Variants in PTGES3 observed in about 807,000 individuals in gnomAD.
PTGES3 encodes the protein Hsp90 co-chaperone.
In PTGES3, 5 loss-of-function variants were observed where a neutral mutation model predicts 29.9. The observed-to-expected ratio is 0.17, with a 90% CI of 0.09 to 0.35. The LOEUF (loss-of-function observed/expected upper bound fraction) is 0.35. Among genes scored for constraint, PTGES3 ranks in the 10% least tolerant of loss-of-function variants. The pLI is 1.00. For missense variants in PTGES3, 128 were observed against 190.0 expected (o/e 0.67, Z 1.92); for synonymous variants, 49 against 57.8 (o/e 0.85, Z 0.69).
intron 5 of PTGES3, among the ~76,000 whole-genome samples, chr12:56,669,528 CCA>C (rs1951919227): frequency 6.6e-6 from 1 of 152,206 alleles, no homozygotes; most frequent in Non-Finnish European, 1.5e-5. Context: ...GGTGATCCGC[CCA>C]TCTCAGCCTC....
intron 5 of PTGES3, among the ~76,000 whole-genome samples, chr12:56,666,946 G>C (rs11171919): frequency 0.026 from 3,917 of 150,530 alleles, 70 homozygotes; most frequent in Non-Finnish European, 0.039. Context: ...TTGAGATGGA[G>C]TCTTGCTCTG....
chr12:56,665,979 C>A lies in PTGES3; in HGVS notation c.438+225G>T, dbSNP rs563878474. ...TATATAATGTCTCTATACAATGATT[C>A]TTTGGAAATCTAATCCATTTAGGAA... On this transcript the variant is annotated intron_variant, in intron 6 of 7. Coordinates refer to ENST00000262033, the MANE Select transcript of PTGES3 (RefSeq NM_006601.7). The A allele has an allele frequency of 1.2e-5, 15 of 1,267,300 alleles. No homozygotes were observed. The African/African-American group carries it at 2.3e-4, about 20-fold the overall frequency. 78.5% of individuals were successfully genotyped at this position (1,267,300 alleles called of 1,614,324 possible). A position where few individuals can be genotyped will look rare whatever the true frequency, so the allele number is the denominator to read the frequency against.
intron 1 of PTGES3, among the ~76,000 whole-genome samples, chr12:56,683,811 T>A (rs1244235430): frequency 6.7e-6 from 1 of 149,108 alleles, no homozygotes; most frequent in Non-Finnish European, 1.5e-5. Flanking sequence ...TACAAAAAAT[T>A]AGCCGGGCGA....
intron 1 of PTGES3, among the ~76,000 whole-genome samples, chr12:56,674,176 A>G (rs1332681350): frequency 6.6e-6 from 1 of 152,180 alleles, no homozygotes; most frequent in African/African-American, 2.4e-5. Context: ...ATGACAAGTA[A>G]ATATGAGGTC....
intron 1 of PTGES3, among the ~76,000 whole-genome samples, chr12:56,684,706 C>T (rs2137731142): frequency 6.6e-6 from 1 of 152,208 alleles, no homozygotes; most frequent in East Asian, 1.9e-4. Flanking sequence ...AAAGAAAATG[C>T]GAAGTAGCAC....
At chr12:56,683,365 C>CG (rs1428676346) in intron 1 of PTGES3, among the ~76,000 whole-genome samples, 1 of 148,164 alleles carries the variant, frequency 6.7e-6, no homozygotes, top group Non-Finnish European at 1.5e-5. Context: ...CGCAGCTACC[C>CG]GGGAGGCTGA....
intron 6 of PTGES3, chr12:56,665,757 T>G (rs1951761612): frequency 1.4e-6 from 1 of 701,466 alleles, no homozygotes; most frequent in African/African-American, 2.0e-5. Context: ...TTCTCCCACC[T>G]CAGCTCACCA....
intron 1 of PTGES3, among the ~76,000 whole-genome samples, chr12:56,682,721 G>GAACAAAAAA (rs1952604767): frequency 8.7e-6 from 1 of 114,290 alleles, no homozygotes; most frequent in Non-Finnish European, 1.7e-5. Context: ...CCATTTAAAA[G>GAACAAAAAA]AAAAAAAAAA....
At chr12:56,670,209 T>C (rs1396318105) in intron 5 of PTGES3, 66 bp downstream of exon 5, 14 of 1,110,064 alleles carry the variant, frequency 1.3e-5, no homozygotes, top group Non-Finnish European at 1.9e-5. Flanking sequence ...AAAACCATAT[T>C]AAATTGACTA....
chr12:56,688,267 C>G lies in PTGES3; in HGVS notation c.-268G>C. On this transcript the variant is annotated 5_prime_UTR_variant, in exon 1 of 8. Coordinates refer to ENST00000262033, the MANE Select transcript of PTGES3 (RefSeq NM_006601.7). Reference sequence around the variant, plus strand: ...GACGGAGAATGAACGTGCGTGCGTGCAAACGAGGGGTGGTGAGGCCGGGCG... The same window carrying G: ...GACGGAGAATGAACGTGCGTGCGTGGAAACGAGGGGTGGTGAGGCCGGGCG... The G allele has an allele frequency of 1.9e-6, 1 of 535,766 alleles. No homozygotes were observed. Among genetic ancestry groups the G allele is most frequent in the Non-Finnish European group, 3.0e-6 (1 of 332,632 alleles). The allele number at this position is 535,766 out of a possible 1,614,324, so 33.2% of individuals were successfully genotyped here. A position where few individuals can be genotyped will look rare whatever the true frequency, so the allele number is the denominator to read the frequency against.
intron 1 of PTGES3, chr12:56,687,690 G>A (rs762730663): frequency 1.5e-5 from 19 of 1,295,086 alleles, no homozygotes; most frequent in East Asian, 3.5e-5. Context: ...AGCAGCTACC[G>A]GGAGCTTAAG....
chr12:56,678,756 T>C (rs1952384970), intron 1 of PTGES3, among the ~76,000 whole-genome samples: 1 of 152,216 alleles, frequency 6.6e-6, no homozygotes, highest in Admixed American at 6.6e-5. Flanking sequence ...TTTTAGGTTA[T>C]GCAAAATGTA....
intron 5 of PTGES3, 28 bp downstream of exon 5, chr12:56,670,247 G>A (rs765190560): frequency 6.8e-7 from 1 of 1,476,604 alleles, no homozygotes; most frequent in Non-Finnish European, 9.5e-7. Context: ...TGCTTCGAAT[G>A]GGGAGAGGTC....
intron 1 of PTGES3, chr12:56,687,500 C>T (rs1204930063): frequency 5.0e-6 from 5 of 996,346 alleles, no homozygotes; most frequent in Non-Finnish European, 6.0e-6. Context: ...GCAGTACCTG[C>T]AGCTCACGGC....
At chr12:56,669,526 G>A (rs1173939141) in intron 5 of PTGES3, among the ~76,000 whole-genome samples, 4 of 151,982 alleles carry the variant, frequency 2.6e-5, no homozygotes, top group African/African-American at 7.3e-5. Context: ...CAGGTGATCC[G>A]CCCATCTCAG....
At chr12:56,679,021 G>A (rs866988246) in intron 1 of PTGES3, among the ~76,000 whole-genome samples, 3 of 152,176 alleles carry the variant, frequency 2.0e-5, no homozygotes, top group Non-Finnish European at 4.4e-5. Flanking sequence ...GGGGCACTGA[G>A]GTGGGAGAAT....
chr12:56,683,210 T>C (rs1317831158), intron 1 of PTGES3, among the ~76,000 whole-genome samples: 1 of 150,856 alleles, frequency 6.6e-6, no homozygotes, highest in Non-Finnish European at 1.5e-5. Flanking sequence ...TTAGGCCAGA[T>C]GCAGTGGCTC....
chr12:56,687,963 T>C (rs1952962826), intron 1 of PTGES3, 35 bp downstream of exon 1: 1 of 1,602,464 alleles, frequency 6.2e-7, no homozygotes, highest in African/African-American at 1.4e-5. Flanking sequence ...TCGGCCTCAC[T>C]CGGCGACCTT....
intron 1 of PTGES3, among the ~76,000 whole-genome samples, chr12:56,681,755 T>C (rs1227885169): frequency 6.7e-6 from 1 of 149,996 alleles, no homozygotes; most frequent in Non-Finnish European, 1.5e-5. Flanking sequence ...CTCAGGGGGC[T>C]GAGGCAGGAG....
Sources: gnomAD v4.1 joint callset for allele counts (sites outside exome capture counted in the v4.1 genomes callset) on GRCh38, gnomAD v4.1.1 for gene constraint, MANE v1.5 for transcripts, NCBI Gene and HGNC (gene_info 2026-07-23, HGNC 2026-07-21) for gene names.